CBLB: variants seen among roughly 807,000 people sequenced by gnomAD.
CBLB encodes E3 ubiquitin-protein ligase CBL-B.
In CBLB, 31 loss-of-function variants were observed where a neutral mutation model predicts 104.9. The observed-to-expected ratio is 0.30, with a 90% confidence interval of 0.22 to 0.40. The LOEUF is 0.40. Among genes scored for constraint, CBLB ranks in the 10% least tolerant of loss-of-function variants. The pLI, the probability that CBLB is intolerant of heterozygous loss-of-function variation, is 1.00. For synonymous variants in CBLB, 440 were observed against 422.6 expected, an observed-to-expected ratio of 1.04 and a Z score of -0.51; for missense variants, 1,062 against 1,214.6, an observed-to-expected ratio of 0.87 and a Z score of 1.87.
chr3:105,701,762 T>TC (rs1475155668), intron 12 of CBLB, among the ~76,000 whole-genome samples: 3 of 66,908 alleles, frequency 4.5e-5, no homozygotes, highest in Non-Finnish European at 1.0e-4. Context: ...AGGCTTCGTC[T>TC]CAAAAAAAAA....
intron 14 of CBLB, 163 bp from the exon 15 acceptor site, chr3:105,681,981 T>C (rs79486980): frequency 1.1e-3 from 688 of 598,874 alleles, no homozygotes; most frequent in African/African-American, 0.011. Context: ...ACTCATCCCT[T>C]ATTTTAAAAT....
intron 2 of CBLB, among the ~76,000 whole-genome samples, chr3:105,854,512 T>C (rs369412941): frequency 6.6e-6 from 1 of 151,870 alleles, no homozygotes; most frequent in South Asian, 2.1e-4. Flanking sequence ...TATAGTGTAA[T>C]GGGACAGCAC....
intron 18 of CBLB, among the ~76,000 whole-genome samples, chr3:105,668,725 C>G (rs1360423456): frequency 1.3e-5 from 2 of 152,072 alleles, no homozygotes; most frequent in Non-Finnish European, 2.9e-5. Context: ...CTATGCTTTC[C>G]TGAGTTACAT....
At chr3:105,780,527 G>T (rs568521167) in intron 3 of CBLB, among the ~76,000 whole-genome samples, 1 of 151,962 alleles carries the variant, frequency 6.6e-6, no homozygotes, top group African/African-American at 2.4e-5. Flanking sequence ...TGGAATTTTC[G>T]ATATCAGTTC....
chr3:105,780,664 T>TG (rs1553789030), intron 3 of CBLB, among the ~76,000 whole-genome samples: 4 of 120,804 alleles, frequency 3.3e-5, no homozygotes, highest in Non-Finnish European at 3.5e-5. Flanking sequence ...TTTTTTGTTT[T>TG]TTTTTTTTTT....
chr3:105,736,540 A>G (rs2074963450), intron 8 of CBLB, among the ~76,000 whole-genome samples: 1 of 152,092 alleles, frequency 6.6e-6, no homozygotes, highest in Non-Finnish European at 1.5e-5. Flanking sequence ...TATTTTATTT[A>G]ATCTATTACT....
chr3:105,836,514 G>A (rs932790108), intron 3 of CBLB, among the ~76,000 whole-genome samples: 1 of 152,172 alleles, frequency 6.6e-6, no homozygotes, highest in African/African-American at 2.4e-5. Context: ...TGAAACAGGA[G>A]TTTATCTTAG....
chr3:105,749,176 A>G (rs1356842115), intron 5 of CBLB, among the ~76,000 whole-genome samples: 2 of 152,216 alleles, frequency 1.3e-5, no homozygotes, highest in Non-Finnish European at 2.9e-5. Context: ...TTTAAGGCAC[A>G]CATACGATTA....
intron 3 of CBLB, among the ~76,000 whole-genome samples, chr3:105,848,562 T>C (rs766924705): frequency 6.6e-6 from 1 of 152,070 alleles, no homozygotes; most frequent in Non-Finnish European, 1.5e-5. Flanking sequence ...CACCTAAATT[T>C]TTTCTCATCT....
At chr3:105,711,661 A>G (rs530170224) in intron 10 of CBLB, among the ~76,000 whole-genome samples, 1 of 152,280 alleles carries the variant, frequency 6.6e-6, no homozygotes, top group African/African-American at 2.4e-5. Flanking sequence ...ATACTTCCAG[A>G]AGTCTCAACC....
At chr3:105,699,673 A>G (rs1018538414) in intron 12 of CBLB, among the ~76,000 whole-genome samples, 26 of 152,170 alleles carry the variant, frequency 1.7e-4, no homozygotes, top group African/African-American at 6.3e-4. Context: ...TAATTTATCT[A>G]AGTTCTGGTA....
At chr3:105,861,684 T>TACACACAC (rs147156324) in intron 2 of CBLB, among the ~76,000 whole-genome samples, 8 of 145,098 alleles carry the variant, frequency 5.5e-5, no homozygotes, top group East Asian at 4.0e-4. Flanking sequence ...TGTGCACACA[T>TACACACAC]ACACACACAC....
At chr3:105,719,884 G>T (rs552469382) in intron 10 of CBLB, among the ~76,000 whole-genome samples, 163 bp downstream of exon 10, 1 of 152,230 alleles carries the variant, frequency 6.6e-6, no homozygotes, top group East Asian at 1.9e-4. Context: ...GGAGGTAGAA[G>T]ACAGTGATAT....
chr3:105,862,607 C>G (rs998473777), intron 2 of CBLB, among the ~76,000 whole-genome samples: 1 of 152,130 alleles, frequency 6.6e-6, no homozygotes, highest in Non-Finnish European at 1.5e-5. Flanking sequence ...CAGTTTTTTT[C>G]TCTTAATTCA....
chr3:105,685,259 A>T (rs998128540), intron 14 of CBLB, 61 bp downstream of exon 14: 2 of 1,410,324 alleles, frequency 1.4e-6, no homozygotes, highest in African/African-American at 1.4e-5. Flanking sequence ...TTTAAAAACA[A>T]ACATTACAAA....
intron 4 of CBLB, among the ~76,000 whole-genome samples, chr3:105,761,309 G>A (rs538339562): frequency 2.6e-5 from 4 of 152,160 alleles, no homozygotes; most frequent in Non-Finnish European, 5.9e-5. Context: ...TGGGATTACA[G>A]GCATGAGCCA....
chr3:105,671,353 G>A (rs552222550), intron 17 of CBLB: 31 of 213,914 alleles, frequency 1.4e-4, no homozygotes, highest in Admixed American at 1.1e-3. Flanking sequence ...TCTGAGGACA[G>A]GGATCTGAGG....
At chr3:105,675,918 C>G (rs147714284) in intron 17 of CBLB, among the ~76,000 whole-genome samples, 195 of 141,486 alleles carry the variant, frequency 1.4e-3, no homozygotes, top group African/African-American at 4.6e-3. Context: ...CATAAAGGAT[C>G]TGGTACCAGA....
intron 13 of CBLB, among the ~76,000 whole-genome samples, chr3:105,689,204 T>C (rs187379437): frequency 7.2e-5 from 11 of 152,174 alleles, no homozygotes; most frequent in African/African-American, 2.4e-4. Context: ...AAGGATTTTA[T>C]CTTGTACAAA....
Sources: gnomAD v4.1 joint callset for allele counts (sites outside exome capture counted in the v4.1 genomes callset) on GRCh38, gnomAD v4.1.1 for gene constraint, MANE v1.5 for transcripts, NCBI Gene and HGNC (gene_info 2026-07-23, HGNC 2026-07-21) for gene names.